SCN8A: variants seen among roughly 807,000 people sequenced by gnomAD.
SCN8A encodes the protein sodium voltage-gated channel alpha subunit 8.
Under a neutral mutation model 184.1 loss-of-function variants are expected in SCN8A, and 30 were observed. The ratio of observed to expected loss-of-function variants is 0.16; its 90% confidence interval spans 0.12 to 0.22. The LOEUF is 0.22. Ranked by LOEUF, SCN8A falls within the 10% of genes least tolerant of loss-of-function variation. The pLI, the probability that SCN8A is intolerant of heterozygous loss-of-function variation, is 1.00. For missense variants in SCN8A, 1,057 were observed against 2,498.9 expected, an observed-to-expected ratio of 0.42 and a Z score of 12.30; for synonymous variants, 852 against 907.0, an observed-to-expected ratio of 0.94 and a Z score of 1.09.
At chr12:51,679,306 G>A (rs969870273) in intron 2 of SCN8A, among the ~76,000 whole-genome samples, 1 of 152,148 alleles carries the variant, frequency 6.6e-6, no homozygotes, top group African/African-American at 2.4e-5. Flanking sequence ...CAGTCAGTCT[G>A]GACTTAGTCA....
intron 6 of SCN8A, among the ~76,000 whole-genome samples, chr12:51,693,461 C>T (rs1941544128): frequency 6.6e-6 from 1 of 152,150 alleles, no homozygotes; most frequent in Non-Finnish European, 1.5e-5. Context: ...TACTGTTGCT[C>T]TAAAGAATCT....
intron 1 of SCN8A, among the ~76,000 whole-genome samples, chr12:51,630,781 C>T (rs1940180684): frequency 6.6e-6 from 1 of 151,950 alleles, no homozygotes; most frequent in Non-Finnish European, 1.5e-5. Context: ...CAAGCAGAGA[C>T]TAATGAATTT....
chr12:51,799,295 A>G (rs1565931055), intron 26 of SCN8A, among the ~76,000 whole-genome samples: 1 of 152,140 alleles, frequency 6.6e-6, no homozygotes, highest in East Asian at 1.9e-4. Flanking sequence ...TTTCCATTTG[A>G]CGATGGAATG....
At chr12:51,755,703 A>C (rs964120039) in intron 14 of SCN8A, among the ~76,000 whole-genome samples, 45 of 152,244 alleles carry the variant, frequency 3.0e-4, no homozygotes, top group Middle Eastern at 3.4e-3. Flanking sequence ...AGCCCCTCTT[A>C]GGACATGATG....
At position 51,751,345 on chromosome 12, in the gene SCN8A, C is replaced by T; in HGVS notation, c.2132-10C>T. On this transcript the variant is annotated splice_polypyrimidine_tract_variant and intron_variant, in intron 13 of 26. Transcript: ENST00000627620. ...GATTGAGGGGCCATCTTTGTTCTTA[C>T]TTACTGTAGAACTGGAAGAGTCTCA... is the stretch of plus-strand genomic sequence containing the variant. 1 of 1,596,056 alleles carries T rather than the reference C, an allele frequency of 6.3e-7. No individual in the cohort carries two copies. Among genetic ancestry groups the T allele is most frequent in the Non-Finnish European group, 8.6e-7 (1 of 1,165,762 alleles).
At chr12:51,805,408 A>AC (rs1157644502) in intron 26 of SCN8A, among the ~76,000 whole-genome samples, 1 of 151,872 alleles carries the variant, frequency 6.6e-6, no homozygotes, top group Non-Finnish European at 1.5e-5. Flanking sequence ...ACATAGCAAG[A>AC]CCCCCATCTC....
intron 14 of SCN8A, among the ~76,000 whole-genome samples, chr12:51,758,722 G>A (rs1942716945): frequency 6.6e-6 from 1 of 152,196 alleles, no homozygotes; most frequent in Non-Finnish European, 1.5e-5. Flanking sequence ...ATAGGCGTGA[G>A]CCACCGTGCC....
chr12:51,713,498 G>A, intron 11 of SCN8A: 1 of 765,062 alleles, frequency 1.3e-6, no homozygotes, highest in Non-Finnish European at 2.4e-6. Flanking sequence ...CCAATAAACA[G>A]TTTTCTCAAC....
chr12:51,609,350 C>G (rs1179577113), intron 1 of SCN8A, among the ~76,000 whole-genome samples: 3 of 152,140 alleles, frequency 2.0e-5, no homozygotes, highest in Non-Finnish European at 4.4e-5. Context: ...TCTTTGTTGA[C>G]TTTCTGTCTT....
In SCN8A at chr12:51,703,626, A is replaced by C. The variant is rs551160254; in HGVS notation, c.1134+712A>C. On this transcript the variant is annotated intron_variant, in intron 9 of 26. Coordinates refer to ENST00000627620, the MANE Select transcript of SCN8A (RefSeq NM_001330260.2). ...TGGGCTACACTGGTGACTCTGGACAAGTCATTTAACTTTGCTGGTTGTAAT... is the reference window on the plus strand; with the variant it reads ...TGGGCTACACTGGTGACTCTGGACACGTCATTTAACTTTGCTGGTTGTAAT... Among the ~76,000 whole-genome samples the C allele has an allele frequency of 1.3e-5, 2 of 152,356 alleles. 1 individual carries two copies. Among genetic ancestry groups the C allele is most frequent in the South Asian group, 4.1e-4 (2 of 4,826 alleles).
intron 16 of SCN8A, 133 bp from the exon 17 acceptor site, chr12:51,768,732 C>G (rs1321045446): frequency 1.5e-6 from 1 of 659,392 alleles, no homozygotes; most frequent in East Asian, 2.8e-5. Flanking sequence ...TAAAATACTA[C>G]GTGGGCCAAA....
At chr12:51,647,119 G>A (rs1449377505) in intron 1 of SCN8A, among the ~76,000 whole-genome samples, 1 of 152,146 alleles carries the variant, frequency 6.6e-6, no homozygotes, top group Non-Finnish European at 1.5e-5. Context: ...TGAGGCAGGA[G>A]GATTGCTTGA....
Position 51,806,151 on chromosome 12 carries a change from A to G in SCN8A, c.4796-131A>G. 1.1e-5 allele frequency: 9 copies of G among 847,236 alleles called. No homozygotes were observed. Among genetic ancestry groups the G allele is most frequent in the Non-Finnish European group, 1.6e-5 (9 of 572,058 alleles). 52.5% of individuals were successfully genotyped at this position (847,236 alleles called of 1,614,324 possible). A position where few individuals can be genotyped will look rare whatever the true frequency, so the allele number is the denominator to read the frequency against. On this transcript the variant is annotated intron_variant, in intron 26 of 26. Coordinates refer to ENST00000627620, the MANE Select transcript of SCN8A (RefSeq NM_001330260.2). This position sits in a 1 kb window ranked among gnomAD's most constrained non-coding sequence, Gnocchi z 8.7. ...CCAAAATGTCACTTTTTGAGAGTTC[A>G]GACTGAATAGTAAGGCACTTATTCT...
chr12:51,701,546 C>T (rs927530587), intron 8 of SCN8A, among the ~76,000 whole-genome samples: 1 of 152,074 alleles, frequency 6.6e-6, no homozygotes, highest in African/African-American at 2.4e-5. Context: ...GGTTATGGAT[C>T]CAAGGATGAC....
At chr12:51,793,909 C>T (rs1004558770) in intron 25 of SCN8A, among the ~76,000 whole-genome samples, 1 of 151,652 alleles carries the variant, frequency 6.6e-6, no homozygotes, top group African/African-American at 2.4e-5. Context: ...TTTTGGGAGG[C>T]CAAGGAAGAC....
intron 1 of SCN8A, among the ~76,000 whole-genome samples, chr12:51,604,205 C>T (rs1435820782): frequency 6.6e-6 from 1 of 152,044 alleles, no homozygotes; most frequent in Admixed American, 6.5e-5. Flanking sequence ...ACCTTTAGAT[C>T]TGTGATCCAT....
chr12:51,663,539 A>T (rs146655801), intron 2 of SCN8A, among the ~76,000 whole-genome samples: 5 of 152,314 alleles, frequency 3.3e-5, no homozygotes, highest in Admixed American at 1.3e-4. Flanking sequence ...ATTAGAGCAT[A>T]GCTGCTGGGG....
intron 2 of SCN8A, among the ~76,000 whole-genome samples, chr12:51,671,969 G>A (rs1000259713): frequency 2.0e-5 from 3 of 152,158 alleles, no homozygotes; most frequent in African/African-American, 7.2e-5. Context: ...AGAATAGGGT[G>A]CCCCATCTAC....
rs766587182 is a variant in SCN8A, at chr12:51,766,006, C to T, written c.2880C>T (p.Val960=). Residue 960 remains valine, a synonymous_variant, in exon 16 of 27, where the codon GTC becomes GTT. Coordinates refer to ENST00000627620, the MANE Select transcript of SCN8A (RefSeq NM_001330260.2). ...QAMCLIVFMM[V]MVIGNLVVLN... ...TGTGCCTCATTGTCTTTATGATGGT[C>T]ATGGTGATTGGCAACTTGGTGGTTA... 8 of 1,613,898 alleles carry T rather than the reference C, an allele frequency of 5.0e-6. No individual in the cohort carries two copies. The highest frequency in any genetic ancestry group is 1.1e-5 in the South Asian group (1 of 91,070).
Sources: allele counts gnomAD v4.1 joint callset (sites outside exome capture counted in the v4.1 genomes callset), GRCh38; gene constraint gnomAD v4.1.1; non-coding constraint Gnocchi (gnomAD v3.1); transcripts MANE v1.5; gene names NCBI Gene and HGNC (gene_info 2026-07-23, HGNC 2026-07-21).